The following PHACTR1 variants were observed in gnomAD, a reference collection of about 807,000 sequenced individuals.
PHACTR1 encodes the protein RPEL repeat containing 1.
In PHACTR1, 16 loss-of-function variants were observed where a neutral mutation model predicts 69.2. The ratio of observed to expected loss-of-function variants is 0.23; its 90% CI spans 0.16 to 0.35. The LOEUF (loss-of-function observed/expected upper bound fraction) is 0.35, where lower values mean the gene tolerates loss of function less well. PHACTR1 is among the 10% of genes least tolerant of loss of function. The pLI is 1.00. For synonymous variants in PHACTR1, 312 were observed against 284.5 expected (o/e 1.10, Z -0.97); for missense variants, 510 against 734.7 (o/e 0.69, Z 3.54).
chr6:12,813,760 A>T (rs1775280414), intron 4 of PHACTR1, among the ~76,000 whole-genome samples: 2 of 152,218 alleles, frequency 1.3e-5, no homozygotes, highest in Admixed American at 1.3e-4. Context: ...CACTAGGCGC[A>T]AGTCACCACT....
At chr6:13,183,478 C>A (rs1046448877) in intron 7 of PHACTR1, among the ~76,000 whole-genome samples, 1 of 152,120 alleles carries the variant, frequency 6.6e-6, no homozygotes, top group South Asian at 2.1e-4. Flanking sequence ...AGGGTTAATT[C>A]CCATGCTTCG....
intron 8 of PHACTR1, among the ~76,000 whole-genome samples, chr6:13,219,209 T>G (rs1481129003): frequency 6.7e-6 from 1 of 150,058 alleles, no homozygotes; most frequent in African/African-American, 2.5e-5. Context: ...TTTCAGTGTT[T>G]CTTGTGTAAA....
In PHACTR1 at chr6:12,781,516, A is replaced by C. The variant is rs115367116; in HGVS notation, c.250+31726A>C. On this transcript the variant is annotated intron_variant, in intron 4 of 14. Coordinates refer to ENST00000332995, the MANE Select transcript of PHACTR1 (RefSeq NM_030948.6). ...CTCTAGGATTTTCCACTTTGAAAGA[A>C]TATTTTCATTAAGCATGTCCACTGT... Among the ~76,000 whole-genome samples the C allele has an allele frequency of 2.0e-3, 305 of 152,356 alleles. 1 individual carries two copies. The highest frequency in any genetic ancestry group is 3.8e-3 in the Admixed American group (58 of 15,306).
chr6:13,258,928 T>C (rs916159385), intron 10 of PHACTR1, among the ~76,000 whole-genome samples: 3 of 152,240 alleles, frequency 2.0e-5, no homozygotes, highest in African/African-American at 7.2e-5. Flanking sequence ...ATGTTGTTTT[T>C]ATATATAGCT....
chr6:12,841,319 A>T (rs1027650371), intron 4 of PHACTR1, among the ~76,000 whole-genome samples: 1 of 152,224 alleles, frequency 6.6e-6, no homozygotes, highest in Non-Finnish European at 1.5e-5. Context: ...TTTGCTGTGC[A>T]GAATCACATC....
chr6:12,830,048 G>A lies in PHACTR1; in HGVS notation c.250+80258G>A, dbSNP rs189175140. Among the ~76,000 whole-genome samples, 433 of 116,914 alleles carry A rather than the reference G, an allele frequency of 3.7e-3. 4 individuals carry two copies. The highest frequency in any genetic ancestry group is 0.015 in the African/African-American group (422 of 28,986). 76.7% of individuals were successfully genotyped at this position (116,914 alleles called of 152,430 possible). A position where few individuals can be genotyped will look rare whatever the true frequency, so the allele number is the denominator to read the frequency against. ...AAAGAAAGAAAGGAAAGAAAAGAAA[G>A]AAGGAAGGAAGGAAGGAAAAGAAAG... On this transcript the variant is annotated intron_variant, in intron 4 of 14. Transcript: ENST00000332995.
intron 3 of PHACTR1, among the ~76,000 whole-genome samples, chr6:12,721,047 C>A (rs1762058340): frequency 6.6e-6 from 1 of 152,152 alleles, no homozygotes; most frequent in Non-Finnish European, 1.5e-5. Context: ...ACGAGCAAAT[C>A]AATAAAGTAA....
At chr6:12,792,108 G>A (rs888192218) in intron 4 of PHACTR1, among the ~76,000 whole-genome samples, 1 of 152,134 alleles carries the variant, frequency 6.6e-6, no homozygotes, top group African/African-American at 2.4e-5. Context: ...GCATATGTGT[G>A]TGTGTGTTTT....
chr6:12,938,380 CTA>C (rs1370276022), intron 4 of PHACTR1, among the ~76,000 whole-genome samples: 2 of 152,086 alleles, frequency 1.3e-5, no homozygotes, highest in African/African-American at 4.8e-5. Context: ...AGCCACCTCT[CTA>C]TGTTAGGCTA....
At chr6:12,749,348 G>T in intron 3 of PHACTR1, 2 of 481,492 alleles carry the variant, frequency 4.2e-6, no homozygotes, top group South Asian at 3.7e-5. Context: ...CCCTGTGGCT[G>T]GGAGAGGAGT....
At chr6:12,910,264 G>A (rs1022527844) in intron 4 of PHACTR1, among the ~76,000 whole-genome samples, 1 of 152,128 alleles carries the variant, frequency 6.6e-6, no homozygotes, top group Non-Finnish European at 1.5e-5. Flanking sequence ...CAGCAGCAAT[G>A]TGCCATAACC....
At chr6:13,095,777 T>TG (rs1814125788) in intron 5 of PHACTR1, among the ~76,000 whole-genome samples, 1 of 136,092 alleles carries the variant, frequency 7.3e-6, no homozygotes, top group African/African-American at 2.7e-5. Flanking sequence ...TTTTTTTTTT[T>TG]TTTGTTAGAC....
At chr6:12,888,396 A>ATTACCTAGTT (rs1467950322) in intron 4 of PHACTR1, among the ~76,000 whole-genome samples, 2 of 152,172 alleles carry the variant, frequency 1.3e-5, no homozygotes, top group Non-Finnish European at 2.9e-5. Flanking sequence ...TTCTTTATAA[A>ATTACCTAGTT]TTACCTAGTT....
At chr6:12,875,634 CA>C (rs1782456252) in intron 4 of PHACTR1, among the ~76,000 whole-genome samples, 1 of 152,190 alleles carries the variant, frequency 6.6e-6, no homozygotes, top group Non-Finnish European at 1.5e-5. Flanking sequence ...AAACATTTTT[CA>C]GTTGCTATGC....
intron 4 of PHACTR1, among the ~76,000 whole-genome samples, chr6:12,816,168 A>G (rs539540079): frequency 2.0e-5 from 3 of 152,350 alleles, no homozygotes; most frequent in Admixed American, 2.0e-4. Context: ...AGATTCATGA[A>G]CATTGGCATT....
At chr6:13,174,531 A>G (rs1286454984) in intron 6 of PHACTR1, among the ~76,000 whole-genome samples, 1 of 152,244 alleles carries the variant, frequency 6.6e-6, no homozygotes. Flanking sequence ...TTTACAATGG[A>G]AGCATAAATG....
chr6:13,202,172 G>A (rs569833476), intron 7 of PHACTR1, among the ~76,000 whole-genome samples: 212 of 152,302 alleles, frequency 1.4e-3, no homozygotes, highest in African/African-American at 4.9e-3. Flanking sequence ...TAGAATTGCT[G>A]GGGCTCACTT....
At chr6:12,811,142 C>T (rs141404739) in intron 4 of PHACTR1, among the ~76,000 whole-genome samples, 5 of 152,194 alleles carry the variant, frequency 3.3e-5, no homozygotes, top group East Asian at 3.9e-4. Context: ...GAAGATGCTC[C>T]GTTGGCTTGT....
chr6:12,944,787 A>ATTTTTTTT (rs67157877), intron 4 of PHACTR1, among the ~76,000 whole-genome samples: 2 of 116,340 alleles, frequency 1.7e-5, no homozygotes, highest in African/African-American at 6.6e-5. Flanking sequence ...ATTTTTATTT[A>ATTTTTTTT]TTTTTTTTTT....
Sources: allele counts gnomAD v4.1 joint callset (sites outside exome capture counted in the v4.1 genomes callset), GRCh38; gene constraint gnomAD v4.1.1; transcripts MANE v1.5; gene names NCBI Gene and HGNC (gene_info 2026-07-23, HGNC 2026-07-21).